The following CLDND1 variants were observed in gnomAD, a reference collection of about 807,000 sequenced individuals.
CLDND1 encodes the protein claudin domain containing 1, also known as claudin domain-containing protein 1.
A neutral mutation model predicts 26.3 loss-of-function variants in CLDND1; 13 were observed. The observed-to-expected ratio is 0.49, with a 90% CI of 0.32 to 0.78. CLDND1 has a LOEUF of 0.78. Among genes scored for constraint, CLDND1 ranks in the 30% least tolerant of loss-of-function variants. CLDND1 has a pLI of 0.03. For synonymous variants in CLDND1, 107 were observed against 107.0 expected, an observed-to-expected ratio of 1.00 and a Z score of 0.00; for missense variants, 289 against 312.8, an observed-to-expected ratio of 0.92 and a Z score of 0.57.
chr3:98,520,849 T>TA (rs1706377052), intron 2 of CLDND1: 3 of 338,830 alleles, frequency 8.9e-6, no homozygotes, highest in Non-Finnish European at 1.6e-5. Flanking sequence ...TAACATGTGT[T>TA]AGAGTAATGA....
chr3:98,517,106 T>C lies in CLDND1; in HGVS notation c.487A>G (p.Ile163Val), dbSNP rs1419580830. 3.1e-6 allele frequency: 5 copies of C among 1,613,846 alleles called. No individual in the cohort carries two copies. Among genetic ancestry groups the C allele is most frequent in the Non-Finnish European group, 4.2e-6 (5 of 1,179,994 alleles). ...ATGGTGGGATATAAGCTTCGGCAAATGCAAGCACAAAGTCCGATCAAAGCC... is the reference window on the plus strand; with the variant it reads ...ATGGTGGGATATAAGCTTCGGCAAACGCAAGCACAAAGTCCGATCAAAGCC... ...FGALIGLCAC[I>V]CRSLYPTIAT... Residue 163 changes from isoleucine to valine, a missense_variant, in exon 4 of 5, where the codon ATT (isoleucine) becomes GTT (valine). By Grantham distance (29) the Ile-to-Val change is conservative (BLOSUM62 3). Transcript: ENST00000341181.
Position 98,518,975 on chromosome 3 carries a change from T to A in CLDND1, c.313A>T (p.Lys105Ter). 3 of 1,609,572 alleles carry A rather than the reference T, an allele frequency of 1.9e-6. No individual in the cohort carries two copies. Among genetic ancestry groups the A allele is most frequent in the Non-Finnish European group, 2.5e-6 (3 of 1,177,038 alleles). ...ERTESFDVVT[K>*]CVSFTLTEQF... ...TCAGTTAGTGTGAAACTCACACATT[T>A]TGTGACCACATCAAATGACTCTGGA... The change falls in exon 3 of 5, where the codon AAA becomes TAA. Residue 105 changes from lysine (K) to a stop codon, truncating the protein, a stop_gained. Transcript: ENST00000341181. LOFTEE classifies it high-confidence loss of function.
intron 2 of CLDND1, chr3:98,520,888 A>T (rs1189343396): frequency 9.0e-6 from 3 of 333,394 alleles, no homozygotes; most frequent in Non-Finnish European, 1.6e-5. Flanking sequence ...AGTAAATAAG[A>T]AAAAAAAAAG....
intron 3 of CLDND1, among the ~76,000 whole-genome samples, chr3:98,517,933 C>G (rs1706219659): frequency 6.6e-6 from 1 of 152,118 alleles, no homozygotes; most frequent in African/African-American, 2.4e-5. Flanking sequence ...GCAGTAACAA[C>G]AAGTAAATTA....
chr3:98,521,489 A>G, intron 1 of CLDND1, 47 bp from the exon 2 acceptor site: 2 of 1,565,512 alleles, frequency 1.3e-6, no homozygotes, highest in Middle Eastern at 1.7e-4. Flanking sequence ...TTACGGACAA[A>G]TAAGAAAGAT....
intron 1 of CLDND1, 114 bp from the exon 2 acceptor site, chr3:98,521,556 TA>T: frequency 6.8e-7 from 1 of 1,468,204 alleles, no homozygotes; most frequent in South Asian, 1.2e-5. Flanking sequence ...TTCGTACATA[TA>T]ACCATTAAGA....
rs1706134403 is a variant in CLDND1, at chr3:98,516,302, G to GA, written c.*356dup. ...AGAAACTAATATAGAGTTTTTAGTT[G>GA]AACAGATACAGTTACTTTAGTTTTA... On this transcript the variant is annotated 3_prime_UTR_variant, in exon 5 of 5. Coordinates refer to ENST00000341181, the MANE Select transcript of CLDND1 (RefSeq NM_001040181.2). 3.7e-5 allele frequency: 39 copies of GA among 1,048,762 alleles called. 2 individuals carry two copies. In the South Asian group the frequency reaches 8.9e-4, roughly 24 times the overall value. 65.0% of individuals were successfully genotyped at this position (1,048,762 alleles called of 1,614,324 possible).
At position 98,516,010 on chromosome 3, in the gene CLDND1, G is replaced by A; in HGVS notation, c.*649C>T. The A allele has an allele frequency of 6.0e-6, 7 of 1,160,308 alleles. No individual in the cohort carries two copies. The highest frequency in any genetic ancestry group is 5.4e-6 in the Non-Finnish European group (5 of 927,796). 71.9% of individuals were successfully genotyped at this position (1,160,308 alleles called of 1,614,324 possible). ...AAATAATACTAATCCTCGCCCGGCT[G>A]AACTGGAATTCTTGCAGTTACAAAG... is the stretch of plus-strand genomic sequence containing the variant. On this transcript the variant is annotated 3_prime_UTR_variant, in exon 5 of 5. Coordinates refer to ENST00000341181, the MANE Select transcript of CLDND1 (RefSeq NM_001040181.2).
intron 3 of CLDND1, 46 bp downstream of exon 3, chr3:98,518,839 A>C: frequency 8.9e-7 from 1 of 1,123,122 alleles, no homozygotes. Context: ...GACAAATAAA[A>C]TTATCTTTGT....
intron 1 of CLDND1, chr3:98,521,726 G>GTGTATGTCCATTTCAGT: frequency 6.2e-7 from 1 of 1,601,684 alleles, no homozygotes; most frequent in Non-Finnish European, 8.6e-7. Flanking sequence ...ACACTGAAAT[G>GTGTATGTCCATTTCAGT]GACATACACA....
rs1475038577 is a variant in CLDND1 at position 98,515,917 on chromosome 3, G to A, written c.*742C>T. On this transcript the variant is annotated 3_prime_UTR_variant, in exon 5 of 5. Transcript: ENST00000341181. The stretch of plus-strand genomic sequence containing the variant: ...AGAAAGCACACTTTTAATAACCCTG[G>A]TATGTGAAGAGGAAAGAAAAAAAAT... 1 of 1,250,048 alleles carries A rather than the reference G, an allele frequency of 8.0e-7. No homozygotes were observed. Among genetic ancestry groups the A allele is most frequent in the East Asian group, 5.7e-5 (1 of 17,400 alleles). 77.4% of individuals were successfully genotyped at this position (1,250,048 alleles called of 1,614,324 possible).
At chr3:98,518,179 ACTT>A (rs1199571940) in intron 3 of CLDND1, among the ~76,000 whole-genome samples, 4 of 152,296 alleles carry the variant, frequency 2.6e-5, no homozygotes, top group East Asian at 1.9e-4. Flanking sequence ...GCTTTCTGGA[ACTT>A]CTTATGTGTT....
chr3:98,518,853 C>T, intron 3 of CLDND1, 32 bp downstream of exon 3: 1 of 1,233,084 alleles, frequency 8.1e-7, no homozygotes, highest in Non-Finnish European at 1.2e-6. Context: ...TCTTTGTTCC[C>T]CCAACTGTCC....
intron 1 of CLDND1, chr3:98,522,509 A>C (rs1279127699): frequency 4.1e-6 from 5 of 1,208,134 alleles, no homozygotes; most frequent in Non-Finnish European, 5.2e-6. Flanking sequence ...ATTTTTTAAA[A>C]ATCCCCCCTT....
chr3:98,516,161 T>TC lies in CLDND1; in HGVS notation c.*497_*498insG. The TC allele has an allele frequency of 9.5e-7, 1 of 1,049,082 alleles. No individual in the cohort carries two copies. The highest frequency in any genetic ancestry group is 3.2e-5 in the South Asian group (1 of 31,266). 65.0% of individuals were successfully genotyped at this position (1,049,082 alleles called of 1,614,324 possible). ...AATGCTTAGGGAAAATGATCTTAGA[T>TC]AATTTCCCAATTTTATAGAGCTTAA... On this transcript the variant is annotated 3_prime_UTR_variant, in exon 5 of 5. Transcript: ENST00000341181.
intron 3 of CLDND1, 27 bp downstream of exon 3, chr3:98,518,858 C>T (rs752065714): frequency 6.3e-6 from 8 of 1,276,142 alleles, no homozygotes; most frequent in Non-Finnish European, 9.2e-6. Flanking sequence ...GTTCCCCCAA[C>T]TGTCCTGGTG....
At position 98,516,611 on chromosome 3, in the gene CLDND1, T is replaced by C; in HGVS notation, c.*48A>G. ...TGAGAGGTGGGGAAAATATCAGTAT[T>C]ATTTTAAAAAAATAAAAATGGCAAT... On this transcript the variant is annotated 3_prime_UTR_variant, in exon 5 of 5. Transcript: ENST00000341181. 6.4e-7 allele frequency: 1 copy of C among 1,562,266 alleles called. No homozygotes were observed. Among genetic ancestry groups the C allele is most frequent in the African/African-American group, 1.4e-5 (1 of 72,172 alleles).
In CLDND1 at chr3:98,519,008, C is replaced by T. The variant is rs368458954; in HGVS notation, c.293-13G>A. ...ACATCAAATGACTCTGGAACAAGAACAATTGCCTGTTGTTTTAATTATAAA... is the reference window on the plus strand; with the variant it reads ...ACATCAAATGACTCTGGAACAAGAATAATTGCCTGTTGTTTTAATTATAAA... On this transcript the variant is annotated splice_polypyrimidine_tract_variant and intron_variant, in intron 2 of 4. Coordinates refer to ENST00000341181, the MANE Select transcript of CLDND1 (RefSeq NM_001040181.2). 5.7e-5 allele frequency: 79 copies of T among 1,389,998 alleles called. No individual in the cohort carries two copies. The highest frequency in any genetic ancestry group is 7.4e-5 in the Non-Finnish European group (73 of 988,104). The allele number at this position is 1,389,998 out of a possible 1,614,324, so 86.1% of individuals were successfully genotyped here.
At chr3:98,519,174 G>A (rs1374200820) in intron 2 of CLDND1, among the ~76,000 whole-genome samples, 179 bp from the exon 3 acceptor site, 2 of 152,192 alleles carry the variant, frequency 1.3e-5, no homozygotes, top group African/African-American at 4.8e-5. Context: ...GTTCTCAGTG[G>A]CAGGCTGAAG....
Sources: gnomAD v4.1 joint callset for allele counts (sites outside exome capture counted in the v4.1 genomes callset) on GRCh38, gnomAD v4.1.1 for gene constraint, MANE v1.5 for transcripts, NCBI Gene and HGNC (gene_info 2026-07-23, HGNC 2026-07-21) for gene names.